The following AP3B1 variants were observed in gnomAD, a reference collection of about 807,000 sequenced individuals.
AP3B1 encodes adaptor related protein complex 3 subunit beta 1.
A neutral mutation model predicts 132.5 loss-of-function variants in AP3B1; 61 were observed. That is an observed-to-expected ratio of 0.46 (90% CI 0.37 to 0.57). The LOEUF (loss-of-function observed/expected upper bound fraction) is 0.57. AP3B1 is among the 20% of genes least tolerant of loss of function. AP3B1 has a pLI of 0.00. For missense variants in AP3B1, 1,120 were observed against 1,289.4 expected, an observed-to-expected ratio of 0.87 and a Z score of 2.01; for synonymous variants, 388 against 438.3, an observed-to-expected ratio of 0.89 and a Z score of 1.43.
chr5:78,280,245 T>C (rs1748993029), intron 1 of AP3B1, among the ~76,000 whole-genome samples: 1 of 152,200 alleles, frequency 6.6e-6, no homozygotes, highest in Admixed American at 6.5e-5. Flanking sequence ...ACTAGAATCA[T>C]AGTAAACACT....
chr5:78,232,628 T>A (rs1170615310), intron 3 of AP3B1, among the ~76,000 whole-genome samples: 1 of 152,232 alleles, frequency 6.6e-6, no homozygotes, highest in East Asian at 1.9e-4. Context: ...ATTTCAGATA[T>A]CATCCTTCAA....
chr5:78,255,498 AAAG>A (rs1747812582), intron 2 of AP3B1, among the ~76,000 whole-genome samples: 1 of 152,166 alleles, frequency 6.6e-6, no homozygotes, highest in Non-Finnish European at 1.5e-5. Context: ...AAGAAGAGAC[AAAG>A]AAGGTCACTA....
At chr5:78,201,525 T>C (rs538657125) in intron 7 of AP3B1, among the ~76,000 whole-genome samples, 37 of 152,318 alleles carry the variant, frequency 2.4e-4, no homozygotes, top group East Asian at 2.1e-3. Flanking sequence ...TGTGGATCAA[T>C]CTCCAAAATA....
At chr5:78,119,501 T>G (rs1489468702) in intron 17 of AP3B1, among the ~76,000 whole-genome samples, 1 of 152,022 alleles carries the variant, frequency 6.6e-6, no homozygotes, top group African/African-American at 2.4e-5. Flanking sequence ...TTAAAGGAGC[T>G]GATGGAGCTG....
chr5:78,131,124 T>C (rs1437778939), intron 15 of AP3B1, among the ~76,000 whole-genome samples: 2 of 151,890 alleles, frequency 1.3e-5, no homozygotes, highest in South Asian at 4.1e-4. Flanking sequence ...TTGTGTACAA[T>C]GATGCACTAA....
chr5:78,281,565 G>A (rs1173242563), intron 1 of AP3B1, among the ~76,000 whole-genome samples: 2 of 150,484 alleles, frequency 1.3e-5, no homozygotes, highest in African/African-American at 4.9e-5. Flanking sequence ...ATATCCTATT[G>A]ACCAAACTAT....
chr5:78,264,545 C>T (rs898150674), intron 2 of AP3B1, among the ~76,000 whole-genome samples: 1 of 152,130 alleles, frequency 6.6e-6, no homozygotes, highest in African/African-American at 2.4e-5. Context: ...AAACCTCAGG[C>T]CTGATAACCA....
intron 17 of AP3B1, among the ~76,000 whole-genome samples, chr5:78,122,712 G>T (rs1752272292): frequency 6.6e-6 from 1 of 152,140 alleles, no homozygotes; most frequent in Non-Finnish European, 1.5e-5. Context: ...CAAACAAATG[G>T]AGGAACATTC....
At chr5:78,216,333 A>T in intron 6 of AP3B1, 96 bp from the exon 7 acceptor site, 1 of 1,116,978 alleles carries the variant, frequency 9.0e-7, no homozygotes, top group Non-Finnish European at 1.3e-6. Flanking sequence ...CATGCCAATC[A>T]GTATTAAAGT....
chr5:78,193,251 T>C (rs1446851836), intron 7 of AP3B1, among the ~76,000 whole-genome samples: 1 of 152,216 alleles, frequency 6.6e-6, no homozygotes, highest in African/African-American at 2.4e-5. Flanking sequence ...ATAGCCTAGA[T>C]ACTTAAGTAA....
chr5:78,276,478 T>G (rs1312084608), intron 1 of AP3B1, among the ~76,000 whole-genome samples: 2 of 152,152 alleles, frequency 1.3e-5, no homozygotes, highest in African/African-American at 4.8e-5. Flanking sequence ...ATGCCTGTAA[T>G]CCCAGCATTT....
intron 1 of AP3B1, among the ~76,000 whole-genome samples, chr5:78,294,108 G>C (rs1306300761): frequency 1.3e-5 from 2 of 152,122 alleles, no homozygotes; most frequent in Non-Finnish European, 2.9e-5. Flanking sequence ...TCCGGCGAAC[G>C]GTAAATAAAC....
intron 26 of AP3B1, among the ~76,000 whole-genome samples, chr5:78,014,712 T>C (rs114185930): frequency 2.0e-5 from 3 of 152,208 alleles, no homozygotes; most frequent in Non-Finnish European, 4.4e-5. Context: ...TTGCAACGAA[T>C]TCCCTTAAGC....
chr5:78,051,086 A>G (rs1206578042), intron 22 of AP3B1, among the ~76,000 whole-genome samples: 2 of 152,186 alleles, frequency 1.3e-5, no homozygotes, highest in African/African-American at 4.8e-5. Context: ...GTGACTCATG[A>G]TGCCTGTAGA....
chr5:78,172,905 T>C (rs975160401), intron 11 of AP3B1, among the ~76,000 whole-genome samples: 3 of 152,240 alleles, frequency 2.0e-5, no homozygotes, highest in Non-Finnish European at 2.9e-5. Context: ...TTTAGTGCTA[T>C]AAATTTCCCT....
At chr5:78,144,538 T>A (rs1304478705) in intron 14 of AP3B1, among the ~76,000 whole-genome samples, 1 of 152,204 alleles carries the variant, frequency 6.6e-6, no homozygotes, top group Non-Finnish European at 1.5e-5. Context: ...AGTAGACATC[T>A]AAGCAAACTG....
chr5:78,040,391 C>T (rs971383364), intron 22 of AP3B1, among the ~76,000 whole-genome samples: 1 of 151,966 alleles, frequency 6.6e-6, no homozygotes, highest in Non-Finnish European at 1.5e-5. Flanking sequence ...TAAACCAGTC[C>T]CATATTGTTT....
chr5:78,189,607 C>T (rs1174857414), intron 7 of AP3B1, among the ~76,000 whole-genome samples: 2 of 152,018 alleles, frequency 1.3e-5, no homozygotes, highest in African/African-American at 4.8e-5. Flanking sequence ...TGGTGGCTCA[C>T]ACCTATAATC....
intron 22 of AP3B1, among the ~76,000 whole-genome samples, chr5:78,065,204 T>C (rs1749234632): frequency 6.6e-6 from 1 of 151,946 alleles, no homozygotes; most frequent in Non-Finnish European, 1.5e-5. Context: ...GATCAGAAGA[T>C]CCCCTCGTGA....
Sources: gnomAD v4.1 joint callset for allele counts (sites outside exome capture counted in the v4.1 genomes callset) on GRCh38, gnomAD v4.1.1 for gene constraint, MANE v1.5 for transcripts, NCBI Gene and HGNC (gene_info 2026-07-23, HGNC 2026-07-21) for gene names.